Variants in ENTREP2 observed in about 807,000 individuals in gnomAD.
ENTREP2 encodes the protein endosomal transmembrane epsin interactor 2.
the ENTREP2 span, among the ~76,000 whole-genome samples, chr15:29,421,717 T>C: frequency 2.2e-4 from 34 of 152,282 alleles, no homozygotes; most frequent in African/African-American, 7.9e-4. Context: ...AGCTGATCAT[T>C]TTACATTTAA....
At chr15:29,396,275 C>G in the ENTREP2 span, among the ~76,000 whole-genome samples, 6 of 152,032 alleles carry the variant, frequency 3.9e-5, no homozygotes, top group Admixed American at 3.3e-4. Flanking sequence ...CTCTCTCCCC[C>G]AGCCCCGGGC....
the ENTREP2 span, among the ~76,000 whole-genome samples, chr15:29,145,605 A>T: frequency 3.6e-5 from 5 of 138,024 alleles, no homozygotes; most frequent in African/African-American, 1.4e-4. Flanking sequence ...CCTGGGCGAC[A>T]GAGCGAGACT....
chr15:29,204,584 G>C, the ENTREP2 span, among the ~76,000 whole-genome samples: 2 of 152,104 alleles, frequency 1.3e-5, no homozygotes, highest in African/African-American at 2.4e-5. Context: ...AACTGCCATG[G>C]AGTGACCCAG....
chr15:29,633,125 G>C, the ENTREP2 span, among the ~76,000 whole-genome samples: 1 of 152,202 alleles, frequency 6.6e-6, no homozygotes, highest in South Asian at 2.1e-4. Flanking sequence ...AACTCCCGTG[G>C]GAGTAAGTTC....
At chr15:29,192,067 A>G in the ENTREP2 span, among the ~76,000 whole-genome samples, 1 of 152,150 alleles carries the variant, frequency 6.6e-6, no homozygotes, top group Non-Finnish European at 1.5e-5. Flanking sequence ...AAGACCTCAA[A>G]CCACATTTAA....
At chr15:29,592,639 T>C in the ENTREP2 span, among the ~76,000 whole-genome samples, 8 of 152,228 alleles carry the variant, frequency 5.3e-5, no homozygotes, top group Non-Finnish European at 1.2e-4. Flanking sequence ...GGGGGTGCTA[T>C]AGTTTGGATG....
At chr15:29,307,058 C>CT in the ENTREP2 span, among the ~76,000 whole-genome samples, 5 of 152,016 alleles carry the variant, frequency 3.3e-5, no homozygotes, top group Non-Finnish European at 7.4e-5. Flanking sequence ...GGCAAATATT[C>CT]TTTTTTATTT....
chr15:29,659,596 G>A, the ENTREP2 span, among the ~76,000 whole-genome samples: 5 of 152,078 alleles, frequency 3.3e-5, no homozygotes, highest in Non-Finnish European at 1.5e-5. Flanking sequence ...TTACATTCCT[G>A]CCTCCCTAAA....
At chr15:29,346,291 G>A in the ENTREP2 span, among the ~76,000 whole-genome samples, 6 of 152,216 alleles carry the variant, frequency 3.9e-5, no homozygotes, top group Non-Finnish European at 8.8e-5. Flanking sequence ...CTGAGAGAGA[G>A]GGTTTGAGAA....
the ENTREP2 span, among the ~76,000 whole-genome samples, chr15:29,131,134 C>T: frequency 6.6e-6 from 1 of 152,318 alleles, no homozygotes; most frequent in South Asian, 2.1e-4. Flanking sequence ...TAGTTTCCCA[C>T]TCCTGGGTGA....
chr15:29,284,917 TTTC>T, the ENTREP2 span, among the ~76,000 whole-genome samples: 1 of 152,180 alleles, frequency 6.6e-6, no homozygotes, highest in African/African-American at 2.4e-5. Flanking sequence ...TAACACAATT[TTTC>T]TTGAGGATTC....
the ENTREP2 span, among the ~76,000 whole-genome samples, chr15:29,548,332 C>A: frequency 6.6e-6 from 1 of 151,910 alleles, no homozygotes; most frequent in Non-Finnish European, 1.5e-5. Context: ...TGGTGCATGC[C>A]TGTAATCCTA....
chr15:29,463,597 T>C, the ENTREP2 span, among the ~76,000 whole-genome samples: 1 of 151,350 alleles, frequency 6.6e-6, no homozygotes, highest in Non-Finnish European at 1.5e-5. Context: ...AAGTTTTTGA[T>C]TTTTTTTTCC....
the ENTREP2 span, among the ~76,000 whole-genome samples, chr15:29,474,927 T>G: frequency 6.6e-6 from 1 of 152,094 alleles, no homozygotes; most frequent in African/African-American, 2.4e-5. Flanking sequence ...TTTTTCCTAG[T>G]TTTATTCATA....
chr15:29,455,307 A>G, the ENTREP2 span, among the ~76,000 whole-genome samples: 93,805 of 151,946 alleles, frequency 0.62, 29,111 homozygotes, highest in South Asian at 0.66. Context: ...TGAGCTCAGC[A>G]AAGAGAGCCA....
the ENTREP2 span, among the ~76,000 whole-genome samples, chr15:29,585,889 C>A: frequency 6.6e-6 from 1 of 150,418 alleles, no homozygotes; most frequent in Admixed American, 6.6e-5. Context: ...ATGGCACAAC[C>A]ACTTTGGAAA....
At chr15:29,384,375 G>A in the ENTREP2 span, among the ~76,000 whole-genome samples, 52 of 152,094 alleles carry the variant, frequency 3.4e-4, no homozygotes, top group African/African-American at 1.1e-3. Flanking sequence ...TCCATTTCCC[G>A]GTTCATCTCT....
At chr15:29,316,717 A>G in the ENTREP2 span, among the ~76,000 whole-genome samples, 2 of 152,206 alleles carry the variant, frequency 1.3e-5, no homozygotes, top group East Asian at 3.9e-4. Flanking sequence ...TAGTTGAGAT[A>G]TCCACAATGT....
chr15:29,388,892 C>T, the ENTREP2 span, among the ~76,000 whole-genome samples: 2 of 143,166 alleles, frequency 1.4e-5, no homozygotes, highest in African/African-American at 5.2e-5. Flanking sequence ...CATGTTCTCA[C>T]TCATAGGTGG....
Sources: allele counts gnomAD v4.1 joint callset (sites outside exome capture counted in the v4.1 genomes callset), GRCh38; gene constraint gnomAD v4.1.1; transcripts MANE v1.5; gene names NCBI Gene and HGNC (gene_info 2026-07-23, HGNC 2026-07-21).